Variants in PATJ observed in about 807,000 individuals in gnomAD.
The protein encoded by PATJ is PATJ crumbs cell polarity complex component.
In PATJ, 190 loss-of-function variants were observed where a neutral mutation model predicts 224.9. That is an observed-to-expected ratio of 0.84 (90% CI 0.75 to 0.95). PATJ has a LOEUF of 0.95. Ranked by LOEUF, PATJ falls within the 40% of genes least tolerant of loss-of-function variation. The pLI is 0.00. For missense variants in PATJ, 2,121 were observed against 2,270.3 expected, an observed-to-expected ratio of 0.93 and a Z score of 1.34; for synonymous variants, 769 against 820.3, an observed-to-expected ratio of 0.94 and a Z score of 1.07.
intron 34 of PATJ, 107 bp from the exon 35 acceptor site, chr1:62,113,946 G>A (rs1378057712): frequency 2.6e-6 from 3 of 1,148,202 alleles, no homozygotes; most frequent in African/African-American, 3.1e-5. Context: ...GAGATTGGCT[G>A]GAAATTTCTA....
chr1:61,861,503 C>T (rs769444342), intron 18 of PATJ, 48 bp from the exon 19 acceptor site: 1 of 864,136 alleles, frequency 1.2e-6, no homozygotes, highest in Admixed American at 2.5e-5. Flanking sequence ...TTGCTCCCCA[C>T]CCCACAATAT....
At chr1:62,090,041 G>T (rs910477814) in intron 33 of PATJ, among the ~76,000 whole-genome samples, 1 of 152,152 alleles carries the variant, frequency 6.6e-6, no homozygotes, top group Admixed American at 6.5e-5. Context: ...ACCTGGTCTT[G>T]ACACCACATC....
At position 61,769,394 on chromosome 1, in the gene PATJ, G is replaced by A. The variant is rs1646474403; in HGVS notation, c.496G>A (p.Asp166Asn). 6.2e-7 allele frequency: 1 copy of A among 1,614,100 alleles called. No homozygotes were observed. Among genetic ancestry groups the A allele is most frequent in the East Asian group, 2.2e-5 (1 of 44,880 alleles). The stretch of plus-strand genomic sequence containing the variant: ...CGGAAAAGTTGATATCTTCGTGAAG[G>A]ATGTCCAGCCAGGGAGTGTAGCAGA... ...NLGKVDIFVK[D>N]VQPGSVADRD... The change falls in exon 5 of 44, where the codon GAT (aspartate) becomes AAT (asparagine). Residue 166 changes from aspartate (D) to asparagine (N), a missense_variant. By Grantham distance (23) the Asp-to-Asn change is conservative. Transcript: ENST00000642238.
intron 24 of PATJ, among the ~76,000 whole-genome samples, chr1:61,903,626 C>T (rs1257333573): frequency 1.3e-5 from 2 of 152,040 alleles, no homozygotes; most frequent in East Asian, 1.9e-4. Context: ...TTTTGCTGTA[C>T]ATATTTAGTG....
At chr1:62,071,674 G>T (rs1054910803) in intron 31 of PATJ, among the ~76,000 whole-genome samples, 2 of 151,922 alleles carry the variant, frequency 1.3e-5, no homozygotes, top group Non-Finnish European at 2.9e-5. Flanking sequence ...TACAGACGGG[G>T]TTTTGCCATA....
intron 26 of PATJ, among the ~76,000 whole-genome samples, chr1:61,917,590 T>C (rs1323081155): frequency 6.6e-6 from 1 of 152,216 alleles, no homozygotes; most frequent in East Asian, 1.9e-4. Flanking sequence ...TGTTTTGTTT[T>C]TCCCCATTGC....
At chr1:62,022,385 CT>C (rs1310143911) in intron 29 of PATJ, among the ~76,000 whole-genome samples, 1 of 152,118 alleles carries the variant, frequency 6.6e-6, no homozygotes, top group African/African-American at 2.4e-5. Flanking sequence ...AAATTGTACC[CT>C]AAACATATGG....
intron 30 of PATJ, among the ~76,000 whole-genome samples, chr1:62,045,991 A>G (rs1314748524): frequency 6.6e-6 from 1 of 152,138 alleles, no homozygotes; most frequent in Non-Finnish European, 1.5e-5. Flanking sequence ...GCTTGAGCTC[A>G]GGAATTCAAG....
At chr1:61,782,962 T>C (rs546813319) in intron 7 of PATJ, among the ~76,000 whole-genome samples, 27 of 152,204 alleles carry the variant, frequency 1.8e-4, no homozygotes, top group Non-Finnish European at 3.4e-4. Flanking sequence ...AAGGTTGTCA[T>C]AAATGATTGA....
chr1:62,028,846 C>A (rs1444969616), intron 29 of PATJ, among the ~76,000 whole-genome samples: 1 of 151,476 alleles, frequency 6.6e-6, no homozygotes, highest in Non-Finnish European at 1.5e-5. Flanking sequence ...CCCAGCTATT[C>A]AGAAGGCTGA....
At chr1:61,967,439 A>G (rs1418857593) in intron 27 of PATJ, among the ~76,000 whole-genome samples, 1 of 152,206 alleles carries the variant, frequency 6.6e-6, no homozygotes, top group Non-Finnish European at 1.5e-5. Context: ...TCTGCTTTTC[A>G]TAAGATTGAC....
intron 31 of PATJ, among the ~76,000 whole-genome samples, chr1:62,058,081 TA>T (rs1338800392): frequency 1.1e-4 from 17 of 152,242 alleles, no homozygotes; most frequent in African/African-American, 4.1e-4. Flanking sequence ...TTGTGAAATA[TA>T]ATTTCTGACC....
intron 31 of PATJ, among the ~76,000 whole-genome samples, chr1:62,073,515 C>T (rs1443710451): frequency 6.6e-6 from 1 of 152,134 alleles, no homozygotes; most frequent in African/African-American, 2.4e-5. Context: ...TGCCTGTAGT[C>T]TCAGCTACTC....
intron 27 of PATJ, among the ~76,000 whole-genome samples, chr1:61,943,473 G>A (rs995871297): frequency 1.3e-5 from 2 of 152,122 alleles, no homozygotes; most frequent in Admixed American, 1.3e-4. Flanking sequence ...AGGGTCCCAC[G>A]CCCACGGTCG....
intron 33 of PATJ, among the ~76,000 whole-genome samples, chr1:62,106,952 G>A (rs565448566): frequency 3.3e-5 from 5 of 152,196 alleles, no homozygotes; most frequent in Non-Finnish European, 7.4e-5. Context: ...CCTGGGCACT[G>A]CAGGACTCAA....
At chr1:61,881,300 T>G (rs1430405449) in intron 21 of PATJ, among the ~76,000 whole-genome samples, 3 of 152,198 alleles carry the variant, frequency 2.0e-5, no homozygotes, top group East Asian at 3.9e-4. Flanking sequence ...CTGTGGGGAC[T>G]TTGTGTGCTG....
At chr1:61,957,696 A>G (rs1407551121) in intron 27 of PATJ, among the ~76,000 whole-genome samples, 1 of 152,190 alleles carries the variant, frequency 6.6e-6, no homozygotes, top group Non-Finnish European at 1.5e-5. Flanking sequence ...CTTATTGTTG[A>G]TGCTTTCAAA....
At chr1:62,120,060 C>T (rs1022863022) in intron 37 of PATJ, among the ~76,000 whole-genome samples, 2 of 152,044 alleles carry the variant, frequency 1.3e-5, no homozygotes, top group African/African-American at 2.4e-5. Flanking sequence ...ATTATAGTAC[C>T]ATTTACTTAA....
intron 24 of PATJ, among the ~76,000 whole-genome samples, chr1:61,904,910 T>C (rs1433552465): frequency 6.6e-6 from 1 of 152,222 alleles, no homozygotes; most frequent in Non-Finnish European, 1.5e-5. Context: ...GTTCATTCAA[T>C]TTGTTGTGCA....
Sources: gnomAD v4.1 joint callset for allele counts (sites outside exome capture counted in the v4.1 genomes callset) on GRCh38, gnomAD v4.1.1 for gene constraint, MANE v1.5 for transcripts, NCBI Gene and HGNC (gene_info 2026-07-23, HGNC 2026-07-21) for gene names.